ADGRV1: variants seen among roughly 807,000 people sequenced by gnomAD.
ADGRV1 encodes the protein G-protein coupled receptor 98.
Under a neutral mutation model 596.2 loss-of-function variants are expected in ADGRV1, and 359 were observed. The observed-to-expected ratio is 0.60, with a 90% CI of 0.55 to 0.66. The LOEUF (loss-of-function observed/expected upper bound fraction) is 0.66, where lower values mean the gene tolerates loss of function less well. Ranked by LOEUF, ADGRV1 falls within the 30% of genes least tolerant of loss-of-function variation. ADGRV1 has a pLI of 0.00. For missense variants in ADGRV1, 7,274 were observed against 7,575.6 expected (o/e 0.96, Z 1.48); for synonymous variants, 2,681 against 2,679.2 (o/e 1.00, Z -0.02).
At chr5:90,781,795 C>G (rs368847019) in intron 65 of ADGRV1, among the ~76,000 whole-genome samples, 26 of 152,036 alleles carry the variant, frequency 1.7e-4, no homozygotes, top group African/African-American at 4.6e-4. Context: ...TAGGAACAAG[C>G]CTGTCTAGAA....
intron 76 of ADGRV1, 66 bp downstream of exon 76, chr5:90,823,662 A>C: frequency 5.7e-6 from 8 of 1,400,250 alleles, no homozygotes; most frequent in Non-Finnish European, 8.0e-6. Context: ...AATCATTTTA[A>C]AACCACTATT....
chr5:90,730,020 C>T (rs1014001878), intron 50 of ADGRV1, among the ~76,000 whole-genome samples: 3 of 152,128 alleles, frequency 2.0e-5, no homozygotes, highest in Non-Finnish European at 2.9e-5. Context: ...CGTCCGCCAC[C>T]ATGTCTGGCT....
chr5:90,882,503 C>G (rs1769891378), intron 83 of ADGRV1, among the ~76,000 whole-genome samples: 1 of 152,130 alleles, frequency 6.6e-6, no homozygotes, highest in Admixed American at 6.5e-5. Context: ...ACACAGATGC[C>G]TATATATTTC....
At chr5:90,801,275 G>A (rs980777795) in intron 70 of ADGRV1, among the ~76,000 whole-genome samples, 4 of 152,042 alleles carry the variant, frequency 2.6e-5, no homozygotes, top group Non-Finnish European at 5.9e-5. Context: ...TTCCATTTTA[G>A]CATTTAATTA....
At chr5:90,972,224 GAGACTT>G (rs1779104902) in intron 84 of ADGRV1, among the ~76,000 whole-genome samples, 1 of 152,142 alleles carries the variant, frequency 6.6e-6, no homozygotes, top group African/African-American at 2.4e-5. Context: ...GACCTACAAA[GAGACTT>G]AGACTGCCAC....
intron 85 of ADGRV1, among the ~76,000 whole-genome samples, chr5:90,999,276 T>A (rs1781668309): frequency 1.3e-5 from 2 of 152,064 alleles, no homozygotes; most frequent in South Asian, 4.1e-4. Flanking sequence ...TTGTTTCAGA[T>A]AATTATTTTA....
At chr5:90,614,812 A>T (rs1476457611) in intron 1 of ADGRV1, 23 bp from the exon 2 acceptor site, 2 of 1,515,688 alleles carry the variant, frequency 1.3e-6, no homozygotes, top group South Asian at 2.3e-5. Context: ...TTTGTGAATA[A>T]TATTTTTTTC....
chr5:90,612,642 G>T (rs1278159204), intron 1 of ADGRV1, among the ~76,000 whole-genome samples: 1 of 151,756 alleles, frequency 6.6e-6, no homozygotes, highest in Non-Finnish European at 1.5e-5. Context: ...TGTATATAAA[G>T]TACCTTAAAA....
chr5:91,054,000 A>G (rs1430663431), intron 85 of ADGRV1, among the ~76,000 whole-genome samples: 2 of 151,940 alleles, frequency 1.3e-5, no homozygotes, highest in Non-Finnish European at 2.9e-5. Context: ...AATTTTGTCC[A>G]TTATATGGCA....
chr5:90,739,166 C>T (rs977457962), intron 50 of ADGRV1, among the ~76,000 whole-genome samples: 3 of 151,406 alleles, frequency 2.0e-5, no homozygotes, highest in African/African-American at 7.3e-5. Flanking sequence ...GTTTTTATTT[C>T]TTTGTCAAAT....
At chr5:90,778,250 T>C (rs1221157242) in intron 62 of ADGRV1, among the ~76,000 whole-genome samples, 177 bp from the exon 63 acceptor site, 4 of 151,068 alleles carry the variant, frequency 2.6e-5, no homozygotes, top group African/African-American at 4.9e-5. Flanking sequence ...ACAATGGAGA[T>C]TGGGGAGAAG....
intron 14 of ADGRV1, 33 bp downstream of exon 14, chr5:90,644,016 G>T: frequency 1.5e-6 from 2 of 1,316,874 alleles, no homozygotes; most frequent in Non-Finnish European, 2.0e-6. Context: ...TTGTATTTCT[G>T]TTTACTGAAG....
intron 83 of ADGRV1, among the ~76,000 whole-genome samples, chr5:90,913,852 T>A (rs573789923): frequency 2.0e-5 from 3 of 152,298 alleles, no homozygotes; most frequent in Non-Finnish European, 4.4e-5. Flanking sequence ...ATATCTATAA[T>A]TAGTTGCTCA....
At chr5:90,575,189 T>C (rs1399445439) in intron 1 of ADGRV1, among the ~76,000 whole-genome samples, 1 of 152,058 alleles carries the variant, frequency 6.6e-6, no homozygotes. Context: ...ATATTGTTGA[T>C]TTGAGACCTT....
intron 83 of ADGRV1, among the ~76,000 whole-genome samples, chr5:90,952,811 C>G (rs2150912879): frequency 1.3e-5 from 2 of 152,222 alleles, no homozygotes; most frequent in East Asian, 3.9e-4. Flanking sequence ...TTCTTCCACA[C>G]AGTACTCCTT....
intron 85 of ADGRV1, among the ~76,000 whole-genome samples, chr5:90,993,478 C>T (rs999050702): frequency 3.9e-5 from 6 of 152,058 alleles, no homozygotes; most frequent in African/African-American, 1.4e-4. Flanking sequence ...TTGAAGAGTA[C>T]TGGTCAGTTA....
At chr5:90,729,148 G>A (rs527349392) in intron 49 of ADGRV1, among the ~76,000 whole-genome samples, 2 of 152,256 alleles carry the variant, frequency 1.3e-5, no homozygotes, top group Admixed American at 1.3e-4. Flanking sequence ...CTACCTGAAA[G>A]TTATATGAAA....
At chr5:91,028,890 C>A (rs890067264) in intron 85 of ADGRV1, among the ~76,000 whole-genome samples, 1 of 152,068 alleles carries the variant, frequency 6.6e-6, no homozygotes, top group African/African-American at 2.4e-5. Context: ...AGGTGCACCT[C>A]ACCATGTGGC....
chr5:90,646,154 ATATGCACGTGCATATATACATT>A, intron 16 of ADGRV1, 63 bp downstream of exon 16: 2 of 1,221,348 alleles, frequency 1.6e-6, no homozygotes, highest in Non-Finnish European at 2.2e-6. Flanking sequence ...ATAAATGTAT[ATATGCACGTGCATATATACATT>A]TATATGCACG....
Sources: gnomAD v4.1 joint callset for allele counts (sites outside exome capture counted in the v4.1 genomes callset) on GRCh38, gnomAD v4.1.1 for gene constraint, MANE v1.5 for transcripts, NCBI Gene and HGNC (gene_info 2026-07-23, HGNC 2026-07-21) for gene names.